Variants in ASTN1 observed in about 807,000 individuals in gnomAD.
ASTN1 encodes astrotactin-1.
A neutral mutation model predicts 140.7 loss-of-function variants in ASTN1; 41 were observed. The ratio of observed to expected loss-of-function variants is 0.29; its 90% CI spans 0.23 to 0.38. ASTN1 has a LOEUF of 0.38. Among genes scored for constraint, ASTN1 ranks in the 10% least tolerant of loss-of-function variants. The pLI is 1.00. For missense variants in ASTN1, 1,479 were observed against 1,678.8 expected, an observed-to-expected ratio of 0.88 and a Z score of 2.08; for synonymous variants, 640 against 652.2, an observed-to-expected ratio of 0.98 and a Z score of 0.29.
At chr1:177,126,314 G>C (rs1681643423) in intron 1 of ASTN1, among the ~76,000 whole-genome samples, 1 of 152,166 alleles carries the variant, frequency 6.6e-6, no homozygotes, top group Admixed American at 6.6e-5. Context: ...TTGCTGCTTA[G>C]GAATAGCTAC....
rs760548663 is a variant in ASTN1 at position 177,032,560 on chromosome 1, T to C, written c.761A>G (p.Gln254Arg). 1.2e-6 allele frequency: 2 copies of C among 1,614,198 alleles called. No homozygotes were observed. The highest frequency in any genetic ancestry group is 1.7e-6 in the Non-Finnish European group (2 of 1,180,022). The change falls in exon 3 of 23, where the codon CAG becomes CGG. Residue 254 changes from glutamine to arginine, a missense_variant. Gln to Arg is a conservative substitution (Grantham distance 43, BLOSUM62 1). Coordinates refer to ENST00000361833, the MANE Select transcript of ASTN1 (RefSeq NM_004319.3). ...CTCCCCTCCGTTCATGCACTCCCTCTGCAGATGGTGGCGCAGATCAGTGAT... is the reference window on the plus strand; with the variant it reads ...CTCCCCTCCGTTCATGCACTCCCTCCGCAGATGGTGGCGCAGATCAGTGAT... ...YDITDLRHHL[Q>R]RECMNGGEDF...
At chr1:177,037,477 A>G (rs2101987067) in intron 2 of ASTN1, among the ~76,000 whole-genome samples, 1 of 152,362 alleles carries the variant, frequency 6.6e-6, no homozygotes, top group East Asian at 1.9e-4. Context: ...AGTTCTTCAC[A>G]TGCACATGTC....
intron 1 of ASTN1, among the ~76,000 whole-genome samples, chr1:177,061,495 A>T (rs570876457): frequency 7.9e-5 from 12 of 152,196 alleles, no homozygotes; most frequent in Non-Finnish European, 1.3e-4. Flanking sequence ...AATCTAGTGA[A>T]CCAGGCTCTC....
rs541202414 is a variant in ASTN1 at position 177,017,320 on chromosome 1, G to A, written c.1439-2445C>T. ...TTCAAACACATCATGCTAGGTTTTG[G>A]GGATCTCCAAAATTTGCCTCTCACA... On this transcript the variant is annotated intron_variant, in intron 7 of 22. Transcript: ENST00000361833. Among the ~76,000 whole-genome samples the A allele has an allele frequency of 1.2e-4, 19 of 152,092 alleles. 1 individual carries two copies. Among genetic ancestry groups the A allele is most frequent in the African/African-American group, 4.6e-4 (19 of 41,500 alleles).
intron 1 of ASTN1, among the ~76,000 whole-genome samples, chr1:177,136,290 C>T (rs12082793): frequency 0.22 from 32,854 of 151,660 alleles, 7,228 homozygotes; most frequent in African/African-American, 0.57. Flanking sequence ...AGAATAGTCT[C>T]TACATGTTTC....
intron 1 of ASTN1, among the ~76,000 whole-genome samples, chr1:177,081,037 G>A (rs564573623): frequency 1.3e-5 from 2 of 152,206 alleles, no homozygotes; most frequent in African/African-American, 4.8e-5. Context: ...TCTAGAAATT[G>A]GGGACCCATT....
chr1:177,156,768 C>T (rs1038062395), intron 1 of ASTN1, among the ~76,000 whole-genome samples: 1 of 152,112 alleles, frequency 6.6e-6, no homozygotes, highest in Non-Finnish European at 1.5e-5. Flanking sequence ...GTGGAGAAAC[C>T]TGCCAAATAC....
intron 1 of ASTN1, among the ~76,000 whole-genome samples, chr1:177,069,110 C>T (rs1202402194): frequency 1.3e-5 from 2 of 152,066 alleles, no homozygotes; most frequent in Non-Finnish European, 2.9e-5. Flanking sequence ...CTCAATCCAG[C>T]CTATCAATTT....
At chr1:177,088,998 G>T (rs762677269) in intron 1 of ASTN1, among the ~76,000 whole-genome samples, 1 of 151,962 alleles carries the variant, frequency 6.6e-6, no homozygotes, top group African/African-American at 2.4e-5. Flanking sequence ...ATCCCTACTC[G>T]TATTTCTCCT....
intron 8 of ASTN1, among the ~76,000 whole-genome samples, chr1:176,968,010 A>G (rs1251131199): frequency 6.6e-6 from 1 of 152,184 alleles, no homozygotes; most frequent in Middle Eastern, 3.2e-3. Flanking sequence ...TAAAGGCAGC[A>G]GGGCACAGTG....
chr1:176,990,127 A>G (rs1387478835), intron 8 of ASTN1, among the ~76,000 whole-genome samples: 2 of 149,452 alleles, frequency 1.3e-5, no homozygotes, highest in East Asian at 2.0e-4. Context: ...ATTGCTGAGG[A>G]TGGGAGGGAA....
chr1:177,035,770 T>C (rs1676685106), intron 2 of ASTN1, among the ~76,000 whole-genome samples: 1 of 152,238 alleles, frequency 6.6e-6, no homozygotes, highest in East Asian at 1.9e-4. Flanking sequence ...AGTGCAGAAC[T>C]GGCTCTAGTC....
intron 1 of ASTN1, among the ~76,000 whole-genome samples, chr1:177,113,283 C>A (rs1053604306): frequency 2.0e-5 from 3 of 152,176 alleles, no homozygotes; most frequent in Non-Finnish European, 4.4e-5. Flanking sequence ...CAGGAAAGAG[C>A]CCACTGTCCC....
intron 1 of ASTN1, among the ~76,000 whole-genome samples, chr1:177,065,302 C>A (rs1396285740): frequency 6.6e-6 from 1 of 152,170 alleles, no homozygotes; most frequent in East Asian, 1.9e-4. Flanking sequence ...AACCTCACAT[C>A]CCTCAGCACC....
Position 177,164,557 on chromosome 1 carries a change from G to A in ASTN1, c.120C>T (p.Ile40=). ...GCAGGAAGGGCAGTGCCGACACCGT[G>A]ATGCTTTTGAGCTTGCACTCCAGCT... ...SKELECKLKS[I]TVSALPFLRE... The change falls in exon 1 of 23, where the codon ATC becomes ATT. Residue 40 remains isoleucine, a synonymous_variant. Transcript: ENST00000361833. 1 of 1,613,974 alleles carries A rather than the reference G, an allele frequency of 6.2e-7. No homozygotes were observed. Among genetic ancestry groups the A allele is most frequent in the Non-Finnish European group, 8.5e-7 (1 of 1,179,932 alleles).
chr1:176,956,497 G>A (rs139382572), intron 11 of ASTN1, among the ~76,000 whole-genome samples: 1 of 152,218 alleles, frequency 6.6e-6, no homozygotes, highest in East Asian at 1.9e-4. Flanking sequence ...CTCTGCTCTG[G>A]GTCCTCTCAC....
At chr1:176,944,727 T>C (rs1045300230) in intron 13 of ASTN1, among the ~76,000 whole-genome samples, 2 of 152,176 alleles carry the variant, frequency 1.3e-5, no homozygotes, top group Non-Finnish European at 2.9e-5. Context: ...AAGACTATGC[T>C]TTCCTCTTTC....
chr1:177,077,922 G>C (rs755417755), intron 1 of ASTN1, among the ~76,000 whole-genome samples: 1 of 152,132 alleles, frequency 6.6e-6, no homozygotes, highest in Non-Finnish European at 1.5e-5. Context: ...ATTCTCACTC[G>C]TAGGAATGTG....
chr1:177,059,084 G>A (rs994954102), intron 2 of ASTN1, among the ~76,000 whole-genome samples: 3 of 151,898 alleles, frequency 2.0e-5, no homozygotes, highest in African/African-American at 7.3e-5. Context: ...ATTTATTTTT[G>A]GAAATCTCTA....
Sources: allele counts gnomAD v4.1 joint callset (sites outside exome capture counted in the v4.1 genomes callset), GRCh38; gene constraint gnomAD v4.1.1; transcripts MANE v1.5; gene names NCBI Gene and HGNC (gene_info 2026-07-23, HGNC 2026-07-21).